CHAF1A: variants seen among roughly 807,000 people sequenced by gnomAD.
CHAF1A encodes CAF-1 subunit A.
Under a neutral mutation model 93.2 loss-of-function variants are expected in CHAF1A, and 5 were observed. The observed-to-expected ratio is 0.05, with a 90% CI of 0.03 to 0.11. The LOEUF is 0.11. Ranked by LOEUF, CHAF1A falls within the 10% of genes least tolerant of loss-of-function variation. The pLI is 1.00. For missense variants in CHAF1A, 1,102 were observed against 1,259.9 expected (o/e 0.87, Z 1.90); for synonymous variants, 504 against 510.3 (o/e 0.99, Z 0.17).
downstream of CHAF1A, chr19:4,446,167 G>A (rs34179017): frequency 1.0e-3 from 1,667 of 1,607,842 alleles, 13 homozygotes; most frequent in African/African-American, 0.02. Context: ...CCCGTACACC[G>A]CCCCCAGCCG....
chr19:4,406,139 A>G (rs1973675468), intron 2 of CHAF1A, among the ~76,000 whole-genome samples, 177 bp downstream of exon 2: 1 of 151,980 alleles, frequency 6.6e-6, no homozygotes, highest in African/African-American at 2.4e-5. Flanking sequence ...CCACAAGTAA[A>G]CCCCGAGGCC....
At chr19:4,449,943 C>G (rs886567130), downstream of CHAF1A, 1 of 152,202 alleles carries the variant, frequency 6.6e-6, no homozygotes, top group Non-Finnish European at 1.5e-5. Context: ...AAGAAAAGCT[C>G]TGGAGGCCGG....
intron 1 of CHAF1A, 105 bp downstream of exon 1, chr19:4,402,919 C>A: frequency 2.9e-6 from 2 of 686,246 alleles, no homozygotes; most frequent in Non-Finnish European, 4.0e-6. Flanking sequence ...CAAGCCTGGT[C>A]CTGCGGGCCG....
rs151268096 is a variant in CHAF1A, at chr19:4,407,963, G to A, written c.104-940G>A. The stretch of plus-strand genomic sequence containing the variant: ...CTGTCTCCAAAAGAAAAAAAAATAA[G>A]TAAAATTAGGATGTTAGAAAAGGAT... On this transcript the variant is annotated intron_variant, in intron 2 of 14. Coordinates refer to ENST00000301280, the MANE Select transcript of CHAF1A (RefSeq NM_005483.3). Among the ~76,000 whole-genome samples, 491 of 151,828 alleles carry A rather than the reference G, an allele frequency of 3.2e-3. 1 individual carries two copies. The highest frequency in any genetic ancestry group is 6.2e-3 in the Non-Finnish European group (424 of 67,920).
At chr19:4,446,833 T>TA (rs1470115232), downstream of CHAF1A, 2 of 1,614,032 alleles carry the variant, frequency 1.2e-6, no homozygotes, top group Non-Finnish European at 8.5e-7. Context: ...CCTGTCCACT[T>TA]ACCCTGATCC....
In CHAF1A at chr19:4,409,337, C is replaced by G. The variant is rs1203144748; in HGVS notation, c.538C>G (p.Pro180Ala). 1 of 1,614,072 alleles carries G rather than the reference C, an allele frequency of 6.2e-7. No homozygotes were observed. The highest frequency in any genetic ancestry group is 8.5e-7 in the Non-Finnish European group (1 of 1,180,006). ...AFPGETLSDI[P>A]CKTEEEGVGC... ...TCCTGGAGAGACCCTTTCAGACATT[C>G]CTTGCAAAACAGAGGAGGAGGGTGT... is the stretch of plus-strand genomic sequence containing the variant. The change falls in exon 3 of 15, where the codon CCT becomes GCT. Residue 180 changes from proline (P) to alanine (A), a missense_variant. Transcript: ENST00000301280.
Position 4,433,530 on chromosome 19 carries a change from C to A in CHAF1A, c.2664C>A (p.His888Gln). 6.3e-7 allele frequency: 1 copy of A among 1,574,864 alleles called. No homozygotes were observed. Among genetic ancestry groups the A allele is most frequent in the South Asian group, 1.1e-5 (1 of 88,658 alleles). Residue 888 changes from histidine to glutamine, a missense_variant, in exon 13 of 15, where the codon CAC (histidine) becomes CAA (glutamine). Physicochemically the swap from His to Gln is conservative, Grantham distance 24. Around this residue, in one of 6 missense-constraint regions of CHAF1A, gnomAD observed 119 missense variants for 102.2 expected, o/e 1.16. Coordinates refer to ENST00000301280, the MANE Select transcript of CHAF1A (RefSeq NM_005483.3). The surrounding 1 kb of genome is among the most constrained non-coding windows in gnomAD (Gnocchi z 5.6). ...CCCAATTCATGAAGAAGCGCAGGCA[C>A]GACGGCCAGGTGAGGTGGGGTGGGC... ...CITQFMKKRR[H>Q]DGQIGAEDMD...
downstream of CHAF1A, chr19:4,448,183 C>T: frequency 3.9e-6 from 3 of 771,034 alleles, no homozygotes; most frequent in South Asian, 5.1e-5. Flanking sequence ...GTGGAGCTGC[C>T]TCACTCTCGG....
chr19:4,423,688 C>A, intron 6 of CHAF1A, 118 bp from the exon 7 acceptor site: 1 of 1,075,230 alleles, frequency 9.3e-7, no homozygotes, highest in Non-Finnish European at 1.4e-6. Context: ...CTGAAAATCA[C>A]AGTAGTGCCT....
chr19:4,424,214 C>T (rs920326919), intron 7 of CHAF1A, among the ~76,000 whole-genome samples: 1 of 152,178 alleles, frequency 6.6e-6, no homozygotes, highest in Non-Finnish European at 1.5e-5. Context: ...AACAACAGTA[C>T]AATTCACAAA....
rs1178349521 is a variant in CHAF1A, at chr19:4,409,343, A to G, written c.544A>G (p.Lys182Glu). The change falls in exon 3 of 15, where the codon AAA (lysine) becomes GAA (glutamate). Residue 182 changes from lysine to glutamate, a missense_variant. Transcript: ENST00000301280. ...AGAGACCCTTTCAGACATTCCTTGC[A>G]AAACAGAGGAGGAGGGTGTTGGCTG... Reference protein sequence around the residue: ...PGETLSDIPCKTEEEGVGCGG... With the variant: ...PGETLSDIPCETEEEGVGCGG... The G allele has an allele frequency of 1.3e-5, 21 of 1,614,142 alleles. No homozygotes were observed. Among genetic ancestry groups the G allele is most frequent in the Non-Finnish European group, 1.8e-5 (21 of 1,180,016 alleles).
chr19:4,419,966 C>T (rs1973961854), intron 4 of CHAF1A, among the ~76,000 whole-genome samples: 1 of 152,158 alleles, frequency 6.6e-6, no homozygotes, highest in African/African-American at 2.4e-5. Flanking sequence ...AGACGGTCAC[C>T]TTCCTCGTGT....
At chr19:4,427,211 G>A (rs546846082) in intron 7 of CHAF1A, among the ~76,000 whole-genome samples, 3 of 121,858 alleles carry the variant, frequency 2.5e-5, no homozygotes, top group East Asian at 2.8e-4. Context: ...GTACAGTGGC[G>A]TGATCTGGGC....
rs201608858 is a variant in CHAF1A, at chr19:4,422,173, G to GT, written c.1018-385dup. 1.3e-5 allele frequency among the ~76,000 whole-genome samples: 2 copies of GT among 151,810 alleles called. No individual in the cohort carries two copies. Among genetic ancestry groups the GT allele is most frequent in the Non-Finnish European group, 2.9e-5 (2 of 67,920 alleles). On this transcript the variant is annotated intron_variant, in intron 4 of 14. Transcript: ENST00000301280. This position sits in a 1 kb window ranked among gnomAD's most constrained non-coding sequence, Gnocchi z 4.6. ...TACAGGCGCCCACCATGCCTGGCTAGTTTTTTTTAAAAATATTTTTAGTAG... is the reference window on the plus strand; with the variant it reads ...TACAGGCGCCCACCATGCCTGGCTAGTTTTTTTTTAAAAATATTTTTAGTAG...
chr19:4,442,420 T>C (rs1364078514), intron 14 of CHAF1A, 79 bp downstream of exon 14: 3 of 1,180,026 alleles, frequency 2.5e-6, no homozygotes, highest in Non-Finnish European at 3.7e-6. Flanking sequence ...GGGATGGGGC[T>C]GCCTAAGACT....
intron 7 of CHAF1A, among the ~76,000 whole-genome samples, chr19:4,425,129 G>A: frequency 6.6e-6 from 1 of 152,136 alleles, no homozygotes; most frequent in Middle Eastern, 3.2e-3. Flanking sequence ...TCCTGAAGGT[G>A]CACAATGTGA....
At chr19:4,414,291 C>T (rs1478354253) in intron 3 of CHAF1A, among the ~76,000 whole-genome samples, 1 of 151,208 alleles carries the variant, frequency 6.6e-6, no homozygotes, top group African/African-American at 2.4e-5. Context: ...GTCCCAGCTC[C>T]TTGGGAGGCT....
chr19:4,446,465 C>T (rs1301149914), downstream of CHAF1A: 2 of 1,588,720 alleles, frequency 1.3e-6, no homozygotes, highest in Non-Finnish European at 1.7e-6. Context: ...TCCACCCCGC[C>T]CCGCCCCACT....
chr19:4,446,074 T>C, downstream of CHAF1A: 1 of 1,612,544 alleles, frequency 6.2e-7, no homozygotes, highest in Non-Finnish European at 8.5e-7. Flanking sequence ...CAAGGCCAGG[T>C]TCTCGTCCTC....
Sources: gnomAD v4.1 joint callset for allele counts (sites outside exome capture counted in the v4.1 genomes callset) on GRCh38, gnomAD v4.1.1 for gene constraint, gnomAD v4.1.1 regional missense constraint, Gnocchi (gnomAD v3.1) non-coding constraint, MANE v1.5 for transcripts, NCBI Gene and HGNC (gene_info 2026-07-23, HGNC 2026-07-21) for gene names.